Variants in RACGAP1 observed in about 807,000 individuals in gnomAD.
The protein encoded by RACGAP1 is Rac GTPase activating protein 1.
Under a neutral mutation model 78.1 loss-of-function variants are expected in RACGAP1, and 30 were observed. The ratio of observed to expected loss-of-function variants is 0.38; its 90% confidence interval spans 0.29 to 0.52. The LOEUF is 0.52. Among genes scored for constraint, RACGAP1 ranks in the 20% least tolerant of loss-of-function variants. RACGAP1 has a pLI of 0.82. For missense variants in RACGAP1, 587 were observed against 777.1 expected, an observed-to-expected ratio of 0.76 and a Z score of 2.91; for synonymous variants, 231 against 264.8, an observed-to-expected ratio of 0.87 and a Z score of 1.24.
chr12:50,002,168 T>C, intron 6 of RACGAP1, 79 bp downstream of exon 6: 1 of 1,095,228 alleles, frequency 9.1e-7, no homozygotes, highest in Non-Finnish European at 1.4e-6. Flanking sequence ...ATGACAGGAA[T>C]GCAGTATCAT....
intron 9 of RACGAP1, among the ~76,000 whole-genome samples, chr12:49,998,077 T>C (rs1006757849): frequency 2.0e-5 from 3 of 152,190 alleles, no homozygotes; most frequent in Non-Finnish European, 4.4e-5. Context: ...CAGTGTGTGA[T>C]AGTGGAAAGA....
intron 1 of RACGAP1, among the ~76,000 whole-genome samples, chr12:50,019,570 C>A (rs191038942): frequency 6.2e-4 from 95 of 152,028 alleles, no homozygotes; most frequent in Non-Finnish European, 1.3e-3. Flanking sequence ...GAGCAGAAGT[C>A]CTGGGACAAG....
chr12:50,016,889 C>A, intron 1 of RACGAP1, 170 bp from the exon 2 acceptor site: 2 of 1,376,576 alleles, frequency 1.5e-6, no homozygotes, highest in Non-Finnish European at 1.9e-6. Context: ...ATTATAAAAA[C>A]AAACTTGGAA....
chr12:49,990,625 A>G lies in RACGAP1; in HGVS notation c.1823+59T>C, dbSNP rs545385265. ...TTTTTCTTTCAATAAGCTTCAATAT[A>G]ATAAGAAGTCTAAGAAAGTAGTTGT... On this transcript the variant is annotated intron_variant, in intron 16 of 16. Coordinates refer to ENST00000312377, the MANE Select transcript of RACGAP1 (RefSeq NM_001319999.2). 8 of 1,354,044 alleles carry G rather than the reference A, an allele frequency of 5.9e-6. No homozygotes were observed. The African/African-American group carries it at 1.0e-4, about 17-fold the overall frequency. 83.9% of individuals were successfully genotyped at this position (1,354,044 alleles called of 1,614,324 possible).
intron 1 of RACGAP1, among the ~76,000 whole-genome samples, chr12:50,017,276 A>G (rs1286336232): frequency 6.6e-6 from 1 of 152,222 alleles, no homozygotes. Context: ...CACAAGAATT[A>G]TTTCTGTAAT....
intron 1 of RACGAP1, among the ~76,000 whole-genome samples, chr12:50,017,536 T>C (rs572574117): frequency 1.3e-5 from 2 of 152,298 alleles, no homozygotes; most frequent in South Asian, 4.1e-4. Flanking sequence ...CTATTCCAAA[T>C]AGACTTTAAC....
intron 2 of RACGAP1, among the ~76,000 whole-genome samples, 176 bp from the exon 3 acceptor site, chr12:50,006,812 T>C (rs1949004584): frequency 6.6e-6 from 1 of 152,206 alleles, no homozygotes; most frequent in Non-Finnish European, 1.5e-5. Context: ...GTCACTCTGA[T>C]GAGAACTTTG....
upstream of RACGAP1, chr12:50,025,607 C>G (rs1950247760): frequency 1.1e-6 from 1 of 949,182 alleles, no homozygotes; most frequent in Non-Finnish European, 1.3e-6. Flanking sequence ...CATGCGCATT[C>G]TGACAAAGCG....
In RACGAP1 at chr12:50,001,161, A is replaced by G; in HGVS notation, c.630+11T>C. The stretch of plus-strand genomic sequence containing the variant: ...CAGTAATCTCTGTTACCTTGGCCTG[A>G]CTATTCTTACCTGGTCTACTGCAGA... On this transcript the variant is annotated intron_variant, in intron 7 of 16. Transcript: ENST00000312377. The G allele has an allele frequency of 2.5e-6, 4 of 1,574,876 alleles. No homozygotes were observed. Among genetic ancestry groups the G allele is most frequent in the Non-Finnish European group, 3.5e-6 (4 of 1,144,776 alleles).
chr12:49,990,381 T>A (rs987574276), intron 16 of RACGAP1, 38 bp from the exon 17 acceptor site: 1 of 1,534,830 alleles, frequency 6.5e-7, no homozygotes. Context: ...AAATATTCTA[T>A]AAAAAATGGT....
At position 49,992,385 on chromosome 12, in the gene RACGAP1, A is replaced by T; in HGVS notation, c.1446-8T>A. ...TGTGGACTCTGAGCCACTCTAAGCA[A>T]AAGAATATTAAATTAGAAGTCTTGC... On this transcript the variant is annotated splice_region_variant and splice_polypyrimidine_tract_variant and intron_variant, in intron 13 of 16. Transcript: ENST00000312377. 1 of 1,612,412 alleles carries T rather than the reference A, an allele frequency of 6.2e-7. No homozygotes were observed. The highest frequency in any genetic ancestry group is 8.5e-7 in the Non-Finnish European group (1 of 1,178,684).
intron 2 of RACGAP1, among the ~76,000 whole-genome samples, chr12:50,015,911 A>C (rs1592213550): frequency 1.3e-5 from 2 of 151,742 alleles, no homozygotes; most frequent in East Asian, 3.9e-4. Context: ...AAAAGAAAAA[A>C]GAAGAAATTA....
At chr12:50,011,599 T>A (rs986423780) in intron 2 of RACGAP1, among the ~76,000 whole-genome samples, 7 of 151,916 alleles carry the variant, frequency 4.6e-5, no homozygotes, top group African/African-American at 1.4e-4. Context: ...GTGTTTATAG[T>A]AGTTTGGGAG....
At position 49,994,187 on chromosome 12, in the gene RACGAP1, T is replaced by C; in HGVS notation, c.1283A>G (p.Asn428Ser). 1.2e-6 allele frequency: 2 copies of C among 1,613,864 alleles called. No individual in the cohort carries two copies. Among genetic ancestry groups the C allele is most frequent in the Non-Finnish European group, 1.7e-6 (2 of 1,179,994 alleles). The change falls in exon 12 of 17, where the codon AAC becomes AGC. Residue 428 changes from asparagine to serine, a missense_variant. Coordinates refer to ENST00000312377, the MANE Select transcript of RACGAP1 (RefSeq NM_001319999.2). ...ICSLLKDFLRNLKEPLLTFRL... is the reference protein window; with the variant it reads ...ICSLLKDFLRSLKEPLLTFRL... ...AAAGGTCAGAAGAGGTTCTTTGAGG[T>C]TTCGAAGAAAGTCTTTTAGAAGGCT... is the stretch of plus-strand genomic sequence containing the variant.
At chr12:50,013,555 C>A (rs1949479823) in intron 2 of RACGAP1, among the ~76,000 whole-genome samples, 1 of 152,190 alleles carries the variant, frequency 6.6e-6, no homozygotes, top group African/African-American at 2.4e-5. Context: ...GCTATGACAA[C>A]CATGTCATTC....
intron 10 of RACGAP1, 29 bp from the exon 11 acceptor site, chr12:49,994,538 T>C (rs1435536564): frequency 1.2e-6 from 2 of 1,603,678 alleles, no homozygotes; most frequent in Non-Finnish European, 1.7e-6. Flanking sequence ...TTTAAATTAT[T>C]ATTTACGCCA....
rs1565649666 is a variant in RACGAP1, at chr12:49,989,184, C to CT, written c.*1083dup. On this transcript the variant is annotated 3_prime_UTR_variant, in exon 17 of 17. Coordinates refer to ENST00000312377, the MANE Select transcript of RACGAP1 (RefSeq NM_001319999.2). ...ATGTTCATTTTGAAAAAGCTATTTA[C>CT]TTTTTTTCCAAATATTATCCCAAAT... is the stretch of plus-strand genomic sequence containing the variant. 2.6e-5 allele frequency: 4 copies of CT among 152,290 alleles called. No homozygotes were observed. The highest frequency in any genetic ancestry group is 4.1e-4 in the South Asian group (2 of 4,832). The allele number at this position is 152,290 out of a possible 1,614,324, so 9.4% of individuals were successfully genotyped here. A position where few individuals can be genotyped will look rare whatever the true frequency, so the allele number is the denominator to read the frequency against.
At chr12:50,009,138 G>A (rs1403981065) in intron 2 of RACGAP1, among the ~76,000 whole-genome samples, 1 of 151,444 alleles carries the variant, frequency 6.6e-6, no homozygotes, top group Non-Finnish European at 1.5e-5. Context: ...GCTGGGTGTG[G>A]TGGTGTGCGC....
intron 1 of RACGAP1, among the ~76,000 whole-genome samples, chr12:50,023,109 A>T (rs939141305): frequency 2.0e-5 from 3 of 152,232 alleles, no homozygotes; most frequent in Non-Finnish European, 4.4e-5. Flanking sequence ...AGTACCTGAC[A>T]TTTGGTAAAT....
Sources: gnomAD v4.1 joint callset for allele counts (sites outside exome capture counted in the v4.1 genomes callset) on GRCh38, gnomAD v4.1.1 for gene constraint, MANE v1.5 for transcripts, NCBI Gene and HGNC (gene_info 2026-07-23, HGNC 2026-07-21) for gene names.